Variants in KLF13 observed in about 807,000 individuals in gnomAD.
KLF13 encodes Krueppel-like factor 13.
In KLF13, 8 loss-of-function variants were observed where a neutral mutation model predicts 16.7. The observed-to-expected ratio is 0.48, with a 90% CI of 0.28 to 0.87. KLF13 has a LOEUF of 0.87. KLF13 is among the 40% of genes least tolerant of loss of function. The pLI is 0.10. For synonymous variants in KLF13, 245 were observed against 208.4 expected (o/e 1.18, Z -1.51); for missense variants, 447 against 452.2 (o/e 0.99, Z 0.10).
intron 1 of KLF13, among the ~76,000 whole-genome samples, chr15:31,356,595 C>T (rs1465101700): frequency 6.6e-6 from 1 of 152,160 alleles, no homozygotes; most frequent in African/African-American, 2.4e-5. Flanking sequence ...TCTGTTCCTG[C>T]GTTAATTCAC....
chr15:31,423,449 T>C (rs1248956416), intron 1 of KLF13, among the ~76,000 whole-genome samples: 2 of 151,538 alleles, frequency 1.3e-5, no homozygotes, highest in East Asian at 1.9e-4. Flanking sequence ...CTGGCCAATA[T>C]GGTGAAACCC....
At chr15:31,363,395 T>C (rs1056781597) in intron 1 of KLF13, among the ~76,000 whole-genome samples, 16 of 152,254 alleles carry the variant, frequency 1.1e-4, no homozygotes, top group Non-Finnish European at 1.8e-4. Context: ...GCTGCAAATA[T>C]TTTTTCTCTC....
At chr15:31,421,383 A>C (rs890103603) in intron 1 of KLF13, among the ~76,000 whole-genome samples, 9 of 152,230 alleles carry the variant, frequency 5.9e-5, no homozygotes, top group African/African-American at 2.2e-4. Flanking sequence ...TAATATTCTA[A>C]TGGTGGTACA....
chr15:31,377,660 G>C lies in KLF13; in HGVS notation c.*5361G>C, dbSNP rs1000454032. On this transcript the variant is annotated 3_prime_UTR_variant, in exon 2 of 2. Coordinates refer to ENST00000307145, the MANE Select transcript of KLF13 (RefSeq NM_015995.4). ...AACCAGCACCCACCATAATTCCGAA[G>C]GCCACGTTTCATCTTTCCTGGATCA... The C allele has an allele frequency of 6.6e-6, 1 of 152,546 alleles. No homozygotes were observed. Among genetic ancestry groups the C allele is most frequent in the Non-Finnish European group, 1.5e-5 (1 of 68,044 alleles). 9.4% of individuals were successfully genotyped at this position (152,546 alleles called of 1,614,324 possible).
chr15:31,337,754 G>A (rs1040117264), intron 1 of KLF13, among the ~76,000 whole-genome samples: 3 of 152,160 alleles, frequency 2.0e-5, no homozygotes, highest in Non-Finnish European at 4.4e-5. Flanking sequence ...TCGTCTTATG[G>A]GACCAGCCTC....
At chr15:31,433,302 G>A (rs1012073415) in intron 1 of KLF13, among the ~76,000 whole-genome samples, 6 of 152,108 alleles carry the variant, frequency 3.9e-5, no homozygotes, top group East Asian at 1.9e-4. Flanking sequence ...ACTTCCATGC[G>A]GTGGCTTTTC....
chr15:31,435,004 G>A (rs902251619), intron 1 of KLF13, among the ~76,000 whole-genome samples: 83 of 152,246 alleles, frequency 5.5e-4, no homozygotes, highest in Non-Finnish European at 1.0e-3. Flanking sequence ...GGACTTGTCA[G>A]AAATATTCCT....
At chr15:31,382,070 A>T (rs911043548), downstream of KLF13, among the ~76,000 whole-genome samples, 2 of 152,166 alleles carry the variant, frequency 1.3e-5, no homozygotes, top group African/African-American at 4.8e-5. Flanking sequence ...GGTGTGCGAG[A>T]TGTCAGATGC....
chr15:31,431,200 C>T (rs1037873801), intron 1 of KLF13, among the ~76,000 whole-genome samples: 6 of 152,182 alleles, frequency 3.9e-5, no homozygotes, highest in South Asian at 2.1e-4. Flanking sequence ...AACCTGGAAG[C>T]GAGCCCTCAC....
At chr15:31,392,043 G>GC (rs1402809522), upstream of KLF13, among the ~76,000 whole-genome samples, 2 of 151,900 alleles carry the variant, frequency 1.3e-5, no homozygotes, top group African/African-American at 2.4e-5. Context: ...GAAGCGAGCG[G>GC]CCAGACCCGC....
At chr15:31,408,563 A>C (rs2040155835), downstream of KLF13, among the ~76,000 whole-genome samples, 2 of 152,142 alleles carry the variant, frequency 1.3e-5, no homozygotes, top group South Asian at 4.1e-4. Context: ...ATCAAACTCA[A>C]CTCCTGACTA....
intron 1 of KLF13, among the ~76,000 whole-genome samples, chr15:31,422,571 G>A (rs2040341801): frequency 6.6e-6 from 1 of 152,122 alleles, no homozygotes; most frequent in African/African-American, 2.4e-5. Flanking sequence ...GTGAGATCTG[G>A]ATGGGGACAC....
chr15:31,340,043 G>A lies in KLF13; in HGVS notation c.577+12254G>A, dbSNP rs748590214. On this transcript the variant is annotated intron_variant, in intron 1 of 1. Transcript: ENST00000307145. ...TTTACTGTCAGTAGGGCTGACCCAGGTTGCCCTGGTGGGTGGTGTGTCCTG... is the reference window on the plus strand; with the variant it reads ...TTTACTGTCAGTAGGGCTGACCCAGATTGCCCTGGTGGGTGGTGTGTCCTG... 223 of 702,388 alleles carry A rather than the reference G, an allele frequency of 3.2e-4. 2 individuals are homozygous for A. The highest frequency in any genetic ancestry group is 2.7e-3 in the South Asian group (180 of 67,594). The allele number at this position is 702,388 out of a possible 1,614,324, so 43.5% of individuals were successfully genotyped here.
intron 2 of KLF13, among the ~76,000 whole-genome samples, chr15:31,398,281 C>T (rs2039983115): frequency 6.6e-6 from 1 of 152,162 alleles, no homozygotes; most frequent in Non-Finnish European, 1.5e-5. Flanking sequence ...GGAAACAGCC[C>T]AGGTGTTAGG....
chr15:31,331,907 C>T (rs1595449770), intron 1 of KLF13, among the ~76,000 whole-genome samples: 2 of 152,340 alleles, frequency 1.3e-5, no homozygotes, highest in Middle Eastern at 6.8e-3. Context: ...GCAAGTATCT[C>T]ACTGCTGGCA....
chr15:31,364,015 C>T (rs1298321366), intron 1 of KLF13, among the ~76,000 whole-genome samples: 1 of 152,190 alleles, frequency 6.6e-6, no homozygotes, highest in Admixed American at 6.5e-5. Context: ...CGAGATGTCA[C>T]TCTGTCCTTT....
intron 1 of KLF13, among the ~76,000 whole-genome samples, chr15:31,333,669 T>G (rs1009364328): frequency 6.6e-6 from 1 of 152,196 alleles, no homozygotes; most frequent in African/African-American, 2.4e-5. Flanking sequence ...CAGTCCATAT[T>G]CAGTTCCCCT....
chr15:31,431,914 A>G (rs1336506102), intron 1 of KLF13, among the ~76,000 whole-genome samples: 1 of 152,220 alleles, frequency 6.6e-6, no homozygotes, highest in Non-Finnish European at 1.5e-5. Flanking sequence ...ACTCTAAAGC[A>G]ACGGAAGGAA....
intron 1 of KLF13, among the ~76,000 whole-genome samples, chr15:31,341,493 T>C (rs1009106883): frequency 6.6e-6 from 1 of 151,508 alleles, no homozygotes; most frequent in African/African-American, 2.4e-5. Context: ...ACATAGACAA[T>C]TCAGAATCTT....
Sources: allele counts gnomAD v4.1 joint callset (sites outside exome capture counted in the v4.1 genomes callset), GRCh38; gene constraint gnomAD v4.1.1; transcripts MANE v1.5; gene names NCBI Gene and HGNC (gene_info 2026-07-23, HGNC 2026-07-21).